Variants in SLC25A53 observed in about 807,000 individuals in gnomAD.
The protein encoded by SLC25A53 is mitochondrial carrier triple repeat protein 6.
Under a neutral mutation model 15.0 loss-of-function variants are expected in SLC25A53, and 5 were observed. The observed-to-expected ratio is 0.33, with a 90% CI of 0.17 to 0.70. SLC25A53 has a LOEUF of 0.70. Ranked by LOEUF, SLC25A53 falls within the 30% of genes least tolerant of loss-of-function variation. SLC25A53 has a pLI of 0.67. For synonymous variants in SLC25A53, 95 were observed against 100.0 expected, an observed-to-expected ratio of 0.95 and a Z score of 0.30; for missense variants, 216 against 241.6, an observed-to-expected ratio of 0.89 and a Z score of 0.70.
intron 1 of SLC25A53, among the ~76,000 whole-genome samples, chrX:104,124,192 G>A (rs1042397459): frequency 4.5e-5 from 5 of 111,745 alleles, no homozygotes; most frequent in Admixed American, 3.8e-4. Context: ...GTGTAAAAGC[G>A]TTCCTATTTC....
intron 1 of SLC25A53, chrX:104,113,035 T>C (rs1405553816): frequency 3.6e-5 from 1 of 27,852 alleles, no homozygotes; most frequent in Non-Finnish European, 6.2e-5. Context: ...TCGGGGGTGT[T>C]GTTGGGTGTC....
In SLC25A53 at chrX:104,099,763, G is replaced by A. The variant is rs1489463251; in HGVS notation, c.*4571C>T. The A allele has an allele frequency of 1.8e-5, 2 of 111,800 alleles. No individual in the cohort carries two copies. The highest frequency in any genetic ancestry group is 3.8e-5 in the Non-Finnish European group (2 of 53,144). 9.2% of individuals were successfully genotyped at this position (111,800 alleles called of 1,213,427 possible). A position where few individuals can be genotyped will look rare whatever the true frequency, so the allele number is the denominator to read the frequency against. ...GGAGCGGTGTCATCAGTGGTGGGGG[G>A]AGAAGAGTAGGTTATTAAAGGGCTC... On this transcript the variant is annotated 3_prime_UTR_variant, in exon 2 of 2. Coordinates refer to ENST00000594199, the MANE Select transcript of SLC25A53 (RefSeq NM_001012755.5).
At chrX:104,147,232 G>A (rs1452127245) in intron 1 of SLC25A53, among the ~76,000 whole-genome samples, 9 of 111,115 alleles carry the variant, frequency 8.1e-5, no homozygotes, top group Non-Finnish European at 1.5e-4. Context: ...AATGGTGCTG[G>A]GAAAACTGGC....
chrX:104,116,726 C>T (rs1430833284), intron 1 of SLC25A53, among the ~76,000 whole-genome samples: 3 of 111,303 alleles, frequency 2.7e-5, no homozygotes, highest in African/African-American at 9.8e-5. Flanking sequence ...AAGCCACACA[C>T]TGCAAGGAGC....
chrX:104,152,356 C>T (rs1193634850), intron 1 of SLC25A53, among the ~76,000 whole-genome samples: 1 of 107,502 alleles, frequency 9.3e-6, no homozygotes, highest in African/African-American at 3.4e-5. Context: ...CAATAGTTTG[C>T]TGAGAATGAT....
At chrX:104,138,600 G>A (rs1226258779) in intron 1 of SLC25A53, among the ~76,000 whole-genome samples, 1 of 112,824 alleles carries the variant, frequency 8.9e-6, no homozygotes, top group Admixed American at 9.3e-5. Flanking sequence ...CAAGGACAGA[G>A]AGCTTTCTGT....
At chrX:104,147,674 G>T (rs370593531) in intron 1 of SLC25A53, among the ~76,000 whole-genome samples, 6 of 111,269 alleles carry the variant, frequency 5.4e-5, no homozygotes, top group East Asian at 2.8e-4. Context: ...AGAAGACATT[G>T]ATGCAGCCAA....
At chrX:104,114,573 G>C in intron 1 of SLC25A53, 2 of 1,211,914 alleles carry the variant, frequency 1.7e-6, no homozygotes. Flanking sequence ...GTTTAGAGGT[G>C]CAGCTCCAGA....
intron 1 of SLC25A53, chrX:104,114,277 C>A: frequency 8.3e-7 from 1 of 1,210,297 alleles, no homozygotes; most frequent in Non-Finnish European, 1.1e-6. Flanking sequence ...GGTGCCAGCC[C>A]AGGGGAAAGA....
At chrX:104,125,091 C>T (rs782786120) in intron 1 of SLC25A53, among the ~76,000 whole-genome samples, 4 of 109,453 alleles carry the variant, frequency 3.7e-5, no homozygotes, top group East Asian at 5.8e-4. Flanking sequence ...GTGATCTGCC[C>T]GCCTCAGCCT....
chrX:104,115,532 T>C, intron 1 of SLC25A53: 1 of 374,503 alleles, frequency 2.7e-6, no homozygotes, highest in South Asian at 9.1e-5. Context: ...CTTAAGGGTC[T>C]ATTCTCCATG....
chrX:104,113,094 C>T (rs1488833461), intron 1 of SLC25A53: 1 of 110,074 alleles, frequency 9.1e-6, no homozygotes, highest in African/African-American at 3.3e-5. Flanking sequence ...AGGAGACGAT[C>T]GCAAGCTGTC....
In SLC25A53 at chrX:104,104,457, G is replaced by A. The variant is rs1360182262; in HGVS notation, c.801C>T (p.Leu267=). The A allele has an allele frequency of 6.6e-6, 8 of 1,212,006 alleles. No individual in the cohort carries two copies. Among genetic ancestry groups the A allele is most frequent in the East Asian group, 5.9e-5 (2 of 33,830 alleles). Residue 267 remains leucine, a synonymous_variant, in exon 2 of 2, where the codon CTC becomes CTT. Transcript: ENST00000594199. ...CTAGGGAGCCTCCACGGTAGATCAG[G>A]AGCAGCTTTCGGCCCCGAGTGTTCC... ...DVWNTRGRKL[L]LIYRGGSLVI...
In SLC25A53 at chrX:104,113,809, A is replaced by G. The variant is rs1602490845; in HGVS notation, c.-31-8521T>C. The stretch of plus-strand genomic sequence containing the variant: ...TGGATGTGGCTCTGAAAAACTACCT[A>G]CTAGCCCAGGGACACCTGCTAGCTC... On this transcript the variant is annotated intron_variant, in intron 1 of 1. Transcript: ENST00000594199. 21 of 266,576 alleles carry G rather than the reference A, an allele frequency of 7.9e-5. No homozygotes were observed. The East Asian group carries it at 1.6e-3, about 21-fold the overall frequency. The allele number at this position is 266,576 out of a possible 1,213,427, so 22.0% of individuals were successfully genotyped here.
rs1196096173 is a variant in SLC25A53 at position 104,143,712 on chromosome X, A to G, written c.-32+13166T>C. ...TTATCCAGGAGAACTTCCCCAACCT[A>G]GCAAGGCAGGCCAACATTCAAATTC... On this transcript the variant is annotated intron_variant, in intron 1 of 1. Coordinates refer to ENST00000594199, the MANE Select transcript of SLC25A53 (RefSeq NM_001012755.5). 5.4e-5 allele frequency among the ~76,000 whole-genome samples: 6 copies of G among 112,052 alleles called. No homozygotes were observed. In the Admixed American group the frequency reaches 5.7e-4, roughly 11 times the overall value.
In SLC25A53 at chrX:104,129,860, ATGTGTG is replaced by A. The variant is rs60729916; in HGVS notation, c.-31-24578_-31-24573del. 4.1e-3 allele frequency among the ~76,000 whole-genome samples: 366 copies of A among 89,945 alleles called. 1 individual carries two copies. Among genetic ancestry groups the A allele is most frequent in the South Asian group, 0.035 (56 of 1,586 alleles). The allele number at this position is 89,945 out of a possible 115,157, so 78.1% of individuals were successfully genotyped here. ...AACACATATATATCCACACAAATGTATGTGTGTGTGTGTGTGTGTGTGTGTGTGTGT... is the reference window on the plus strand; with the variant it reads ...AACACATATATATCCACACAAATGTATGTGTGTGTGTGTGTGTGTGTGTGT... On this transcript the variant is annotated intron_variant, in intron 1 of 1. Transcript: ENST00000594199.
In SLC25A53 at chrX:104,099,573, G is replaced by A. The variant is rs1267291560; in HGVS notation, c.*4761C>T. 8.9e-6 allele frequency: 1 copy of A among 112,517 alleles called. No homozygotes were observed. Among genetic ancestry groups the A allele is most frequent in the African/African-American group, 3.2e-5 (1 of 30,992 alleles). 9.3% of individuals were successfully genotyped at this position (112,517 alleles called of 1,213,427 possible). A position where few individuals can be genotyped will look rare whatever the true frequency, so the allele number is the denominator to read the frequency against. On this transcript the variant is annotated 3_prime_UTR_variant, in exon 2 of 2. Transcript: ENST00000594199. ...CAATGAGTCTCACAAGCAATGTGGA[G>A]TGAAACAAGATAGTCACAATTCCAA...
rs1556355545 is a variant in SLC25A53, at chrX:104,105,215, T to C, written c.43A>G (p.Arg15Gly). ...NHSPGKELQH[R>G]TRAEAPGKKS... ...TTTCCTGGAGCCTCTGCTCGCGTCC[T>C]GTGCTGAAGCTCCTTCCCGGGAGAG... The change falls in exon 2 of 2, where the codon AGG becomes GGG. Residue 15 changes from arginine to glycine, a missense_variant. Coordinates refer to ENST00000594199, the MANE Select transcript of SLC25A53 (RefSeq NM_001012755.5). The C allele has an allele frequency of 8.3e-7, 1 of 1,211,288 alleles. No homozygotes were observed.
chrX:104,143,222 G>A (rs2075456105), intron 1 of SLC25A53, among the ~76,000 whole-genome samples: 1 of 111,630 alleles, frequency 9.0e-6, no homozygotes, highest in South Asian at 3.8e-4. Context: ...CTCCTCACCA[G>A]CAGGGAAGAA....
Sources: allele counts gnomAD v4.1 joint callset (sites outside exome capture counted in the v4.1 genomes callset), GRCh38; gene constraint gnomAD v4.1.1; transcripts MANE v1.5; gene names NCBI Gene and HGNC (gene_info 2026-07-23, HGNC 2026-07-21).